STRBP: variants seen among roughly 807,000 people sequenced by gnomAD.
STRBP encodes the protein spermatid perinuclear RNA binding protein, also known as spermatid perinuclear RNA-binding protein.
In STRBP, 13 loss-of-function variants were observed where a neutral mutation model predicts 80.1. The observed-to-expected ratio is 0.16, with a 90% CI of 0.11 to 0.26. STRBP has a LOEUF of 0.26. STRBP is among the 10% of genes least tolerant of loss of function. The probability of loss-of-function intolerance (pLI) is 1.00; values close to 1 mark genes in which losing one functional copy is unlikely to be tolerated. For synonymous variants in STRBP, 284 were observed against 291.2 expected, an observed-to-expected ratio of 0.98 and a Z score of 0.25; for missense variants, 485 against 815.2, an observed-to-expected ratio of 0.59 and a Z score of 4.93.
chr9:123,211,488 AC>A (rs1447201714), intron 2 of STRBP, among the ~76,000 whole-genome samples: 1 of 152,150 alleles, frequency 6.6e-6, no homozygotes, highest in East Asian at 1.9e-4. Context: ...ATAAGTACCT[AC>A]CTTTTTTTTC....
chr9:123,241,120 G>A (rs139592907), intron 1 of STRBP, among the ~76,000 whole-genome samples: 31 of 151,090 alleles, frequency 2.1e-4, no homozygotes, highest in African/African-American at 5.6e-4. Flanking sequence ...CGGAGGTTGC[G>A]GTGAGCCAAG....
Position 123,221,287 on chromosome 9 carries a change from C to T in STRBP, c.-165+15543G>A, listed in dbSNP as rs1175576175. 2.6e-5 allele frequency among the ~76,000 whole-genome samples: 4 copies of T among 152,170 alleles called. No individual in the cohort carries two copies. In the East Asian group the frequency reaches 5.8e-4, roughly 22 times the overall value. On this transcript the variant is annotated intron_variant, in intron 2 of 18. Coordinates refer to ENST00000348403, the MANE Select transcript of STRBP (RefSeq NM_018387.5). ...TTGCCATTCCTCCCACATCTTGCCA[C>T]TCACATCCTCCACGGGTGGTGGCAA...
At chr9:123,127,438 C>G (rs2035942009) in intron 18 of STRBP, among the ~76,000 whole-genome samples, 1 of 152,190 alleles carries the variant, frequency 6.6e-6, no homozygotes, top group Non-Finnish European at 1.5e-5. Flanking sequence ...TCTTCTCTGA[C>G]AACACCCTGC....
At chr9:123,175,843 T>TA (rs2038195930) in intron 4 of STRBP, among the ~76,000 whole-genome samples, 1 of 152,226 alleles carries the variant, frequency 6.6e-6, no homozygotes, top group Non-Finnish European at 1.5e-5. Flanking sequence ...GCAACCAGAA[T>TA]AATCTTCCAA....
At chr9:123,242,382 G>C (rs2040713381) in intron 1 of STRBP, among the ~76,000 whole-genome samples, 1 of 152,190 alleles carries the variant, frequency 6.6e-6, no homozygotes, top group Non-Finnish European at 1.5e-5. Flanking sequence ...TGAATAGCCA[G>C]GCACGGTGGC....
intron 4 of STRBP, 105 bp downstream of exon 4, chr9:123,178,902 A>AT: frequency 2.0e-6 from 2 of 1,024,538 alleles, no homozygotes; most frequent in Non-Finnish European, 2.9e-6. Context: ...TCACATATGC[A>AT]TAAGACAAAA....
Position 123,265,430 on chromosome 9 carries a change from C to T in STRBP, c.-302+3006G>A, listed in dbSNP as rs188843723. ...AAATCATACTAGGTACCACACTACA[C>T]ATTACGTGAAGCCCACAGAGTGATA... On this transcript the variant is annotated intron_variant, in intron 1 of 18. Transcript: ENST00000348403. 2.3e-3 allele frequency among the ~76,000 whole-genome samples: 348 copies of T among 152,330 alleles called. 1 individual carries two copies. Among genetic ancestry groups the T allele is most frequent in the African/African-American group, 7.8e-3 (325 of 41,572 alleles).
chr9:123,235,507 G>A (rs62579002), intron 2 of STRBP, among the ~76,000 whole-genome samples: 2 of 70,826 alleles, frequency 2.8e-5, no homozygotes, highest in Non-Finnish European at 4.7e-5. Context: ...AGCAACTTCA[G>A]GAAAAAAAAA....
rs556760377 is a variant in STRBP at position 123,153,723 on chromosome 9, G to A, written c.1045+4289C>T. ...TGGACATCCATGTAGCGATATTGAG[G>A]AGGCATTTTGATATTTTGGTCTGAG... On this transcript the variant is annotated intron_variant, in intron 11 of 18. Coordinates refer to ENST00000348403, the MANE Select transcript of STRBP (RefSeq NM_018387.5). 3.3e-5 allele frequency among the ~76,000 whole-genome samples: 5 copies of A among 152,250 alleles called. No individual in the cohort carries two copies. The South Asian group carries it at 1.0e-3, about 32-fold the overall frequency.
chr9:123,240,541 A>G (rs1033422979), intron 1 of STRBP, among the ~76,000 whole-genome samples: 10 of 152,362 alleles, frequency 6.6e-5, no homozygotes, highest in African/African-American at 2.2e-4. Context: ...GAATCAATGG[A>G]TATCACAAAA....
intron 2 of STRBP, among the ~76,000 whole-genome samples, chr9:123,210,127 A>G (rs1387872759): frequency 6.6e-6 from 1 of 152,226 alleles, no homozygotes; most frequent in Non-Finnish European, 1.5e-5. Context: ...TTCTTAAACT[A>G]TCTTCTTCAT....
At chr9:123,216,325 A>G (rs1230956410) in intron 2 of STRBP, among the ~76,000 whole-genome samples, 1 of 152,230 alleles carries the variant, frequency 6.6e-6, no homozygotes, top group African/African-American at 2.4e-5. Flanking sequence ...CCCCTAGTAT[A>G]TATCACAATG....
intron 1 of STRBP, among the ~76,000 whole-genome samples, chr9:123,259,032 T>A (rs2041100977): frequency 7.1e-6 from 1 of 140,404 alleles, no homozygotes; most frequent in Non-Finnish European, 1.5e-5. Flanking sequence ...CTTGTTACTG[T>A]ATTAAGAATA....
intron 18 of STRBP, among the ~76,000 whole-genome samples, chr9:123,125,892 G>A (rs1233803973): frequency 6.6e-6 from 1 of 152,172 alleles, no homozygotes; most frequent in African/African-American, 2.4e-5. Flanking sequence ...TCAAAATCAG[G>A]ATGGCTACAT....
rs1350377694 is a variant in STRBP at position 123,126,780 on chromosome 9, G to A, written c.1943-1107C>T. On this transcript the variant is annotated intron_variant, in intron 18 of 18. Transcript: ENST00000348403. The surrounding 1 kb of genome is among the most constrained non-coding windows in gnomAD (Gnocchi z 4.4). ...TGGCACTTATACAAGACATAGTACA[G>A]TGAGTCTAGTGAGCCAAAATGTACT... Among the ~76,000 whole-genome samples, 2 of 152,196 alleles carry A rather than the reference G, an allele frequency of 1.3e-5. No homozygotes were observed. The highest frequency in any genetic ancestry group is 2.9e-5 in the Non-Finnish European group (2 of 68,040).
intron 1 of STRBP, among the ~76,000 whole-genome samples, chr9:123,268,146 A>G (rs1446788250): frequency 6.6e-6 from 1 of 150,706 alleles, no homozygotes; most frequent in African/African-American, 2.4e-5. Context: ...CCCTCCCCTG[A>G]TCGGCCGGGA....
intron 1 of STRBP, among the ~76,000 whole-genome samples, chr9:123,243,969 C>A (rs915362528): frequency 2.6e-5 from 4 of 152,166 alleles, no homozygotes; most frequent in African/African-American, 7.2e-5. Flanking sequence ...AGTCCACACA[C>A]AAATGTTTAT....
intron 2 of STRBP, among the ~76,000 whole-genome samples, chr9:123,235,278 C>A: frequency 6.6e-6 from 1 of 150,882 alleles, no homozygotes. Context: ...GAAGGATAAG[C>A]CTTTTTTAAT....
intron 6 of STRBP, among the ~76,000 whole-genome samples, chr9:123,166,791 C>CAAA (rs1272665316): frequency 2.5e-5 from 3 of 120,154 alleles, no homozygotes; most frequent in African/African-American, 1.1e-4. Flanking sequence ...ACAACAACAA[C>CAAA]AAAAAAACAA....
Sources: allele counts gnomAD v4.1 joint callset (sites outside exome capture counted in the v4.1 genomes callset), GRCh38; gene constraint gnomAD v4.1.1; non-coding constraint Gnocchi (gnomAD v3.1); transcripts MANE v1.5; gene names NCBI Gene and HGNC (gene_info 2026-07-23, HGNC 2026-07-21).